EYA4: variants seen among roughly 807,000 people sequenced by gnomAD.
EYA4 encodes protein phosphatase EYA4.
In EYA4, 31 loss-of-function variants were observed where a neutral mutation model predicts 87.9. The observed-to-expected ratio is 0.35, with a 90% CI of 0.27 to 0.48. EYA4 has a LOEUF of 0.48. Among genes scored for constraint, EYA4 ranks in the 20% least tolerant of loss-of-function variants. The probability of loss-of-function intolerance (pLI) is 0.99; values close to 1 mark genes in which losing one functional copy is unlikely to be tolerated. For synonymous variants in EYA4, 263 were observed against 270.6 expected, an observed-to-expected ratio of 0.97 and a Z score of 0.28; for missense variants, 678 against 761.4, an observed-to-expected ratio of 0.89 and a Z score of 1.29.
At chr6:133,402,933 G>T (rs987176417) in intron 3 of EYA4, among the ~76,000 whole-genome samples, 3 of 152,190 alleles carry the variant, frequency 2.0e-5, no homozygotes, top group African/African-American at 7.2e-5. Context: ...CACTCTAGGA[G>T]TGGAGTCTCA....
intron 1 of EYA4, among the ~76,000 whole-genome samples, chr6:133,254,844 A>G (rs1273450165): frequency 6.6e-6 from 1 of 152,216 alleles, no homozygotes; most frequent in Non-Finnish European, 1.5e-5. Context: ...TCAGAACAAA[A>G]CAGAAAAAGA....
At chr6:133,395,010 T>C (rs1787663572) in intron 3 of EYA4, among the ~76,000 whole-genome samples, 1 of 152,216 alleles carries the variant, frequency 6.6e-6, no homozygotes. Context: ...GAATTATTTA[T>C]ATACAAAATG....
chr6:133,358,492 T>A (rs1784232140), intron 2 of EYA4, among the ~76,000 whole-genome samples: 1 of 152,210 alleles, frequency 6.6e-6, no homozygotes, highest in African/African-American at 2.4e-5. Flanking sequence ...AAAGGAATCA[T>A]CGAATGTAGT....
At chr6:133,297,840 A>G (rs755542468) in intron 2 of EYA4, among the ~76,000 whole-genome samples, 3 of 152,172 alleles carry the variant, frequency 2.0e-5, no homozygotes, top group South Asian at 2.1e-4. Flanking sequence ...CAAACCTAGC[A>G]CTGTGGTATC....
chr6:133,408,659 T>A (rs1371542494), intron 3 of EYA4, among the ~76,000 whole-genome samples: 1 of 152,200 alleles, frequency 6.6e-6, no homozygotes, highest in Non-Finnish European at 1.5e-5. Context: ...TACAGGATGA[T>A]AATAACAATA....
At position 133,433,624 on chromosome 6, in the gene EYA4, G is replaced by A. The variant is rs372309765; in HGVS notation, c.84-13006G>A. 7.2e-5 allele frequency among the ~76,000 whole-genome samples: 11 copies of A among 152,306 alleles called. No homozygotes were observed. The South Asian group carries it at 2.3e-3, about 32-fold the overall frequency. The stretch of plus-strand genomic sequence containing the variant: ...CCACCTTGGCCTCCCAAAATGCTGG[G>A]ATTACAGGCGTGAGCCACTGTGGCT... On this transcript the variant is annotated intron_variant, in intron 3 of 19. Coordinates refer to ENST00000355286, the MANE Select transcript of EYA4 (RefSeq NM_004100.5).
chr6:133,407,252 T>TA (rs1491580298), intron 3 of EYA4, among the ~76,000 whole-genome samples: 1 of 6,828 alleles, frequency 1.5e-4, no homozygotes, highest in Non-Finnish European at 2.0e-3. Context: ...GAGTCTAGGG[T>TA]TTTTTTTTTT....
At chr6:133,314,762 ATTATCT>A (rs1780499241) in intron 2 of EYA4, among the ~76,000 whole-genome samples, 1 of 152,144 alleles carries the variant, frequency 6.6e-6, no homozygotes, top group Admixed American at 6.5e-5. Context: ...TACTGTCTTT[ATTATCT>A]TTAACTGTTA....
intron 3 of EYA4, among the ~76,000 whole-genome samples, chr6:133,409,407 A>G (rs994526777): frequency 1.3e-5 from 2 of 150,496 alleles, no homozygotes; most frequent in Non-Finnish European, 2.9e-5. Context: ...CCTGGAGGAC[A>G]TTATGCTAGG....
chr6:133,422,322 C>A (rs1790289338), intron 3 of EYA4, among the ~76,000 whole-genome samples: 1 of 152,114 alleles, frequency 6.6e-6, no homozygotes, highest in African/African-American at 2.4e-5. Flanking sequence ...AATTCAGAAA[C>A]AATATATAAT....
chr6:133,395,443 T>A (rs1425753039), intron 3 of EYA4, among the ~76,000 whole-genome samples: 1 of 152,168 alleles, frequency 6.6e-6, no homozygotes, highest in East Asian at 1.9e-4. Flanking sequence ...AAATGTCATC[T>A]GTAAATAAGA....
intron 1 of EYA4, among the ~76,000 whole-genome samples, chr6:133,253,257 C>T (rs1775067988): frequency 6.6e-6 from 1 of 152,036 alleles, no homozygotes; most frequent in African/African-American, 2.4e-5. Context: ...GAGAGTTCTG[C>T]TTCATTCATG....
At chr6:133,458,662 T>C (rs1794114675) in intron 6 of EYA4, among the ~76,000 whole-genome samples, 1 of 152,046 alleles carries the variant, frequency 6.6e-6, no homozygotes, top group Non-Finnish European at 1.5e-5. Flanking sequence ...CAACCAAAGA[T>C]GTCTTACTAA....
intron 1 of EYA4, among the ~76,000 whole-genome samples, chr6:133,260,994 A>T (rs1468806729): frequency 6.6e-6 from 1 of 152,198 alleles, no homozygotes; most frequent in East Asian, 1.9e-4. Context: ...TTTCCATATC[A>T]TCAATTTCTC....
intron 3 of EYA4, among the ~76,000 whole-genome samples, chr6:133,416,166 T>C (rs1305730649): frequency 6.6e-6 from 1 of 152,180 alleles, no homozygotes; most frequent in Non-Finnish European, 1.5e-5. Flanking sequence ...TGAACCTTTA[T>C]GGAGGGAATA....
intron 2 of EYA4, among the ~76,000 whole-genome samples, chr6:133,300,093 TAAAGA>T (rs1779281773): frequency 6.6e-6 from 1 of 152,140 alleles, no homozygotes; most frequent in East Asian, 1.9e-4. Flanking sequence ...GTATGTAAGC[TAAAGA>T]AAAGAAAATA....
At chr6:133,400,284 C>T (rs143325135) in intron 3 of EYA4, among the ~76,000 whole-genome samples, 5 of 151,908 alleles carry the variant, frequency 3.3e-5, no homozygotes, top group Non-Finnish European at 7.4e-5. Flanking sequence ...CCAAGGTGGG[C>T]GGATCAAGAG....
intron 10 of EYA4, 46 bp downstream of exon 10, chr6:133,464,904 TTTTGAAGA>T: frequency 7.7e-7 from 1 of 1,298,790 alleles, no homozygotes; most frequent in Non-Finnish European, 1.1e-6. Flanking sequence ...TATTTCAGAT[TTTTGAAGA>T]GTACTCTCAG....
intron 2 of EYA4, among the ~76,000 whole-genome samples, chr6:133,280,570 G>A (rs1404150878): frequency 6.6e-6 from 1 of 151,866 alleles, no homozygotes; most frequent in African/African-American, 2.4e-5. Flanking sequence ...ATAATTTTTT[G>A]TATTTTTAGT....
Sources: allele counts gnomAD v4.1 joint callset (sites outside exome capture counted in the v4.1 genomes callset), GRCh38; gene constraint gnomAD v4.1.1; transcripts MANE v1.5; gene names NCBI Gene and HGNC (gene_info 2026-07-23, HGNC 2026-07-21).